Variants in ZBTB20 observed in about 807,000 individuals in gnomAD.
ZBTB20 encodes zinc finger and BTB domain containing 20.
A neutral mutation model predicts 56.9 loss-of-function variants in ZBTB20; 9 were observed. That is an observed-to-expected ratio of 0.16 (90% CI 0.10 to 0.28). The LOEUF (loss-of-function observed/expected upper bound fraction) is 0.28, where lower values mean the gene tolerates loss of function less well. Among genes scored for constraint, ZBTB20 ranks in the 10% least tolerant of loss-of-function variants. The pLI is 1.00. For synonymous variants in ZBTB20, 417 were observed against 420.7 expected (o/e 0.99, Z 0.11); for missense variants, 655 against 1,003.0 (o/e 0.65, Z 4.69).
chr3:115,110,846 G>A (rs539266091), intron 1 of ZBTB20, among the ~76,000 whole-genome samples: 12 of 151,976 alleles, frequency 7.9e-5, no homozygotes, highest in African/African-American at 2.4e-4. Context: ...AAAATTATCC[G>A]GGCTAGGTGG....
intron 5 of ZBTB20, among the ~76,000 whole-genome samples, chr3:114,792,377 G>C (rs2071023291): frequency 6.6e-6 from 1 of 152,146 alleles, no homozygotes; most frequent in Non-Finnish European, 1.5e-5. Context: ...AAGCAGGAAA[G>C]ATATTTTTTA....
At chr3:114,933,217 G>T (rs1206863845) in intron 3 of ZBTB20, among the ~76,000 whole-genome samples, 1 of 152,178 alleles carries the variant, frequency 6.6e-6, no homozygotes, top group Non-Finnish European at 1.5e-5. Context: ...ACAAATCTTT[G>T]TTGTTTTAAG....
chr3:114,977,053 G>A (rs1415624918), intron 2 of ZBTB20, among the ~76,000 whole-genome samples: 1 of 151,660 alleles, frequency 6.6e-6, no homozygotes, highest in African/African-American at 2.4e-5. Context: ...AAATGGCTAG[G>A]GCCAAGAAGT....
At chr3:114,635,510 C>T (rs1162467091) in intron 6 of ZBTB20, among the ~76,000 whole-genome samples, 1 of 151,536 alleles carries the variant, frequency 6.6e-6, no homozygotes, top group East Asian at 1.9e-4. Context: ...TTAAAGAAGC[C>T]CAGTGAGTTA....
At chr3:114,895,236 T>C (rs905021028) in intron 4 of ZBTB20, among the ~76,000 whole-genome samples, 5 of 152,226 alleles carry the variant, frequency 3.3e-5, no homozygotes, top group African/African-American at 9.6e-5. Flanking sequence ...CAGCGATTTA[T>C]GCACTGACAA....
chr3:114,953,235 G>C (rs2077133463), intron 3 of ZBTB20, among the ~76,000 whole-genome samples: 1 of 146,696 alleles, frequency 6.8e-6, no homozygotes, highest in Admixed American at 6.8e-5. Flanking sequence ...ATCGTCAGAA[G>C]AACAATAGAT....
intron 4 of ZBTB20, among the ~76,000 whole-genome samples, chr3:114,864,994 T>G (rs1251269521): frequency 1.3e-5 from 2 of 152,110 alleles, no homozygotes; most frequent in African/African-American, 4.8e-5. Context: ...TAATTTTCTC[T>G]GGAGTTTTCC....
At chr3:114,608,471 TG>T (rs933649309) in intron 6 of ZBTB20, among the ~76,000 whole-genome samples, 19 of 152,206 alleles carry the variant, frequency 1.2e-4, no homozygotes, top group Middle Eastern at 3.2e-3. Context: ...AGTTCAGGGA[TG>T]TTTGGGAAAC....
At chr3:114,509,013 T>C (rs1229093712) in intron 6 of ZBTB20, among the ~76,000 whole-genome samples, 3 of 152,188 alleles carry the variant, frequency 2.0e-5, no homozygotes, top group Non-Finnish European at 4.4e-5. Context: ...AGCCATTGCT[T>C]ATGCTGCTTC....
In ZBTB20 at chr3:114,787,358, TATATATATATACACAC is replaced by T. The variant is rs1560249604; in HGVS notation, c.-343+13727_-343+13742del. ...ATATATATATATATATATATATATA[TATATATATATACACAC>T]ACACACACACACACACACATATATA... is the stretch of plus-strand genomic sequence containing the variant. On this transcript the variant is annotated intron_variant, in intron 5 of 11. Transcript: ENST00000675478. Among the ~76,000 whole-genome samples, 18 of 85,924 alleles carry T rather than the reference TATATATATATACACAC, an allele frequency of 2.1e-4. 1 individual carries two copies. Among genetic ancestry groups the T allele is most frequent in the Non-Finnish European group, 5.1e-5 (2 of 39,006 alleles). 56.4% of individuals were successfully genotyped at this position (85,924 alleles called of 152,430 possible).
intron 1 of ZBTB20, among the ~76,000 whole-genome samples, chr3:115,085,631 G>C (rs1400947813): frequency 6.6e-6 from 1 of 151,848 alleles, no homozygotes; most frequent in East Asian, 1.9e-4. Flanking sequence ...ATCTTATTTG[G>C]GCATAATTTC....
chr3:114,916,355 A>T (rs1176782707), intron 3 of ZBTB20, among the ~76,000 whole-genome samples: 3 of 152,020 alleles, frequency 2.0e-5, no homozygotes, highest in Non-Finnish European at 2.9e-5. Context: ...GTATTGTATG[A>T]TATCAGTATA....
At chr3:114,551,605 T>G (rs1007472262) in intron 6 of ZBTB20, among the ~76,000 whole-genome samples, 1 of 152,146 alleles carries the variant, frequency 6.6e-6, no homozygotes, top group Non-Finnish European at 1.5e-5. Flanking sequence ...AGCAACAAAG[T>G]GAAGAATGAT....
At chr3:115,056,379 G>A (rs775191307) in intron 2 of ZBTB20, among the ~76,000 whole-genome samples, 2 of 152,032 alleles carry the variant, frequency 1.3e-5, no homozygotes, top group Non-Finnish European at 2.9e-5. Flanking sequence ...AGAGTATTCT[G>A]GCAATATGTA....
At chr3:114,522,603 T>G (rs941894112) in intron 6 of ZBTB20, among the ~76,000 whole-genome samples, 16 of 152,172 alleles carry the variant, frequency 1.1e-4, no homozygotes, top group African/African-American at 3.9e-4. Flanking sequence ...AGGAGGCTAC[T>G]GCAATAATCC....
At position 114,320,877 on chromosome 3, in the gene ZBTB20, A is replaced by G. The variant is rs190527503; in HGVS notation, c.*18128T>C. On this transcript the variant is annotated 3_prime_UTR_variant, in exon 12 of 12. Transcript: ENST00000675478. ...CAGATTAAAATGAAAAGGGGTATAGAAAGATATATTTTAGATAATATAAAC... is the reference window on the plus strand; with the variant it reads ...CAGATTAAAATGAAAAGGGGTATAGGAAGATATATTTTAGATAATATAAAC... 2.7e-4 allele frequency: 41 copies of G among 152,320 alleles called. No individual in the cohort carries two copies. The allele number at this position is 152,320 out of a possible 1,614,324, so 9.4% of individuals were successfully genotyped here.
rs111245761 is a variant in ZBTB20, at chr3:114,597,045, T to A, written c.-295+96483A>T. On this transcript the variant is annotated intron_variant, in intron 6 of 11. Transcript: ENST00000675478. Reference sequence around the variant, plus strand: ...TCAATCCTAAAGCAAATTAAAAAAATATATATATATATAAAGGCCCACAGG... The same window carrying A: ...TCAATCCTAAAGCAAATTAAAAAAAAATATATATATATAAAGGCCCACAGG... Among the ~76,000 whole-genome samples the A allele has an allele frequency of 3.7e-3, 549 of 149,410 alleles. 2 individuals carry two copies. The highest frequency in any genetic ancestry group is 9.8e-3 in the African/African-American group (406 of 41,386).
intron 3 of ZBTB20, among the ~76,000 whole-genome samples, chr3:114,935,268 C>T (rs2076494449): frequency 6.6e-6 from 1 of 152,146 alleles, no homozygotes; most frequent in Non-Finnish European, 1.5e-5. Flanking sequence ...TGATTTAGAA[C>T]AACTAAAATC....
Position 114,851,267 on chromosome 3 carries a change from T to C in ZBTB20, c.-417+49037A>G, listed in dbSNP as rs149627362. Among the ~76,000 whole-genome samples, 14 of 152,324 alleles carry C rather than the reference T, an allele frequency of 9.2e-5. No homozygotes were observed. The East Asian group carries it at 1.7e-3, about 19-fold the overall frequency. ...ATTTAAGAGGTAAGAAGAAATAAAA[T>C]TGTCTCTTTACAAAGTTGACTGATT... On this transcript the variant is annotated intron_variant, in intron 4 of 11. Coordinates refer to ENST00000675478, the MANE Select transcript of ZBTB20 (RefSeq NM_001348800.3).
Sources: allele counts gnomAD v4.1 joint callset (sites outside exome capture counted in the v4.1 genomes callset), GRCh38; gene constraint gnomAD v4.1.1; transcripts MANE v1.5; gene names NCBI Gene and HGNC (gene_info 2026-07-23, HGNC 2026-07-21).